Variants in FBXO9 observed in about 807,000 individuals in gnomAD.
FBXO9 encodes the protein F-box protein 9.
Under a neutral mutation model 63.7 loss-of-function variants are expected in FBXO9, and 43 were observed. The ratio of observed to expected loss-of-function variants is 0.67; its 90% CI spans 0.53 to 0.87. The LOEUF (loss-of-function observed/expected upper bound fraction) is 0.87. Ranked by LOEUF, FBXO9 falls within the 40% of genes least tolerant of loss-of-function variation. The pLI, the probability that FBXO9 is intolerant of heterozygous loss-of-function variation, is 0.00. For missense variants in FBXO9, 442 were observed against 533.2 expected, an observed-to-expected ratio of 0.83 and a Z score of 1.68; for synonymous variants, 156 against 171.7, an observed-to-expected ratio of 0.91 and a Z score of 0.72.
rs1250197816 is a variant in FBXO9 at position 53,099,390 on chromosome 6, C to A, written c.*1560C>A. 1 of 151,794 alleles carries A rather than the reference C, an allele frequency of 6.6e-6. No homozygotes were observed. Among genetic ancestry groups the A allele is most frequent in the African/African-American group, 2.4e-5 (1 of 41,274 alleles). The allele number at this position is 151,794 out of a possible 1,614,324, so 9.4% of individuals were successfully genotyped here. On this transcript the variant is annotated 3_prime_UTR_variant, in exon 13 of 13. Transcript: ENST00000323557. ...CCTGAGCAACACAGTGAGACCCTAT[C>A]TCAAAAAAATAATGATGATAGTACA...
chr6:53,080,956 C>T lies in FBXO9; in HGVS notation c.408-12C>T, dbSNP rs1304473697. 1 of 1,613,292 alleles carries T rather than the reference C, an allele frequency of 6.2e-7. No individual in the cohort carries two copies. Reference sequence around the variant, plus strand: ...ACTGAGGCACTTAATTTATTCACCTCCCTTTTTTCAGCATTGAAGATAATG... The same window carrying T: ...ACTGAGGCACTTAATTTATTCACCTTCCTTTTTTCAGCATTGAAGATAATG... On this transcript the variant is annotated splice_polypyrimidine_tract_variant and intron_variant, in intron 5 of 12. Coordinates refer to ENST00000323557, the MANE Select transcript of FBXO9 (RefSeq NM_033480.3).
intron 7 of FBXO9, among the ~76,000 whole-genome samples, chr6:53,087,539 G>T (rs1302273196): frequency 6.6e-6 from 1 of 152,050 alleles, no homozygotes; most frequent in Non-Finnish European, 1.5e-5. Context: ...TGCAAATCAT[G>T]TGCAGGAGTG....
chr6:53,068,095 C>G (rs1005088219), intron 1 of FBXO9: 3 of 45,110 alleles, frequency 6.7e-5, no homozygotes, highest in Non-Finnish European at 8.7e-5. Flanking sequence ...TACCCTCCCC[C>G]CCCTGGCCGC....
intron 2 of FBXO9, 43 bp from the exon 3 acceptor site, chr6:53,073,438 C>T: frequency 6.3e-7 from 1 of 1,576,520 alleles, no homozygotes; most frequent in Non-Finnish European, 8.7e-7. Flanking sequence ...CAGAGTTGAG[C>T]TACCCTTCCT....
chr6:53,086,810 G>A (rs1350742918), intron 7 of FBXO9, among the ~76,000 whole-genome samples: 1 of 152,186 alleles, frequency 6.6e-6, no homozygotes, highest in Non-Finnish European at 1.5e-5. Context: ...ACTCATGCCT[G>A]TAATCCCAGC....
intron 1 of FBXO9, among the ~76,000 whole-genome samples, chr6:53,066,563 A>G (rs1450499253): frequency 6.6e-6 from 1 of 152,244 alleles, no homozygotes; most frequent in African/African-American, 2.4e-5. Context: ...AAACGATTTA[A>G]TTTATAGTGG....
At chr6:53,079,987 CCTT>C (rs1041509967) in intron 5 of FBXO9, among the ~76,000 whole-genome samples, 1 of 152,064 alleles carries the variant, frequency 6.6e-6, no homozygotes, top group African/African-American at 2.4e-5. Flanking sequence ...TTTTTCTAAA[CCTT>C]CTTTAAATTT....
chr6:53,067,187 T>C (rs965280271), intron 1 of FBXO9, among the ~76,000 whole-genome samples: 2 of 152,202 alleles, frequency 1.3e-5, no homozygotes, highest in African/African-American at 4.8e-5. Context: ...GATAAACTTT[T>C]AATCACAGAA....
At chr6:53,084,699 G>A (rs1272120528) in intron 7 of FBXO9, among the ~76,000 whole-genome samples, 43 of 152,192 alleles carry the variant, frequency 2.8e-4, no homozygotes, top group Non-Finnish European at 1.5e-5. Flanking sequence ...TTGGCGTGTT[G>A]TAGTCCAATC....
chr6:53,093,632 T>C (rs1581831989), intron 10 of FBXO9, 71 bp downstream of exon 10: 2 of 1,143,188 alleles, frequency 1.7e-6, no homozygotes, highest in East Asian at 2.4e-5. Context: ...GTTAAAGTAA[T>C]CCAGTGCTTC....
chr6:53,072,764 G>A (rs1003220134), intron 2 of FBXO9, among the ~76,000 whole-genome samples: 2 of 151,396 alleles, frequency 1.3e-5, no homozygotes, highest in Non-Finnish European at 2.9e-5. Context: ...CCATTGCCCA[G>A]GCTGGAGTGC....
chr6:53,085,887 C>T (rs1037989139), intron 7 of FBXO9, among the ~76,000 whole-genome samples: 4 of 152,040 alleles, frequency 2.6e-5, no homozygotes, highest in South Asian at 2.1e-4. Context: ...TGGTGGCTCA[C>T]GCCTGTAATC....
chr6:53,093,846 A>C, intron 10 of FBXO9, 39 bp from the exon 11 acceptor site: 1 of 1,434,878 alleles, frequency 7.0e-7, no homozygotes, highest in Non-Finnish European at 9.5e-7. Flanking sequence ...AAATCCACTT[A>C]ATAACTGATT....
chr6:53,081,532 A>C (rs542596067), intron 6 of FBXO9, among the ~76,000 whole-genome samples: 2 of 152,324 alleles, frequency 1.3e-5, no homozygotes, highest in African/African-American at 4.8e-5. Flanking sequence ...TGGCCTCCCA[A>C]AGTGCTGGGA....
intron 6 of FBXO9, 52 bp from the exon 7 acceptor site, chr6:53,082,452 G>T: frequency 1.7e-6 from 2 of 1,212,026 alleles, no homozygotes; most frequent in East Asian, 2.3e-5. Flanking sequence ...ATGTAGTTGT[G>T]ACAATAGAAT....
In FBXO9 at chr6:53,100,040, G is replaced by A. The variant is rs1763308529; in HGVS notation, c.*2210G>A. 2.0e-5 allele frequency: 3 copies of A among 152,304 alleles called. No homozygotes were observed. The South Asian group carries it at 6.2e-4, about 32-fold the overall frequency. The allele number at this position is 152,304 out of a possible 1,614,324, so 9.4% of individuals were successfully genotyped here. A position where few individuals can be genotyped will look rare whatever the true frequency, so the allele number is the denominator to read the frequency against. On this transcript the variant is annotated 3_prime_UTR_variant, in exon 13 of 13. Coordinates refer to ENST00000323557, the MANE Select transcript of FBXO9 (RefSeq NM_033480.3). The stretch of plus-strand genomic sequence containing the variant: ...TTCAAATTTAAAGATTTCTTTGTAA[G>A]CAGTAAAGTGACTTTCACTTATTTA...
intron 7 of FBXO9, among the ~76,000 whole-genome samples, chr6:53,085,443 A>G (rs1176976461): frequency 6.6e-6 from 1 of 152,156 alleles, no homozygotes; most frequent in Non-Finnish European, 1.5e-5. Flanking sequence ...ATAGCCATGT[A>G]AAATCTGATG....
chr6:53,083,499 G>T (rs1291462285), intron 7 of FBXO9, among the ~76,000 whole-genome samples: 1 of 152,140 alleles, frequency 6.6e-6, no homozygotes, highest in Non-Finnish European at 1.5e-5. Flanking sequence ...GGAAACAAAA[G>T]TTTTTAAAGG....
At chr6:53,076,634 A>G in intron 4 of FBXO9, 91 bp downstream of exon 4, 1 of 935,808 alleles carries the variant, frequency 1.1e-6, no homozygotes, top group South Asian at 2.2e-5. Context: ...CTTATTTGGT[A>G]TAGAACATCA....
Sources: allele counts gnomAD v4.1 joint callset (sites outside exome capture counted in the v4.1 genomes callset), GRCh38; gene constraint gnomAD v4.1.1; transcripts MANE v1.5; gene names NCBI Gene and HGNC (gene_info 2026-07-23, HGNC 2026-07-21).